The following ABL2 variants were observed in gnomAD, a reference collection of about 807,000 sequenced individuals.
ABL2 encodes the protein tyrosine-protein kinase ABL2.
Under a neutral mutation model 107.7 loss-of-function variants are expected in ABL2, and 49 were observed. The observed-to-expected ratio is 0.45, with a 90% confidence interval of 0.36 to 0.58. ABL2 has a LOEUF of 0.58. Among genes scored for constraint, ABL2 ranks in the 20% least tolerant of loss-of-function variants. The pLI is 0.00. For missense variants in ABL2, 1,245 were observed against 1,457.0 expected, an observed-to-expected ratio of 0.85 and a Z score of 2.37; for synonymous variants, 549 against 548.6, an observed-to-expected ratio of 1.00 and a Z score of -0.01.
chr1:179,136,570 T>C (rs932376209), intron 1 of ABL2, among the ~76,000 whole-genome samples: 3 of 148,036 alleles, frequency 2.0e-5, no homozygotes, highest in African/African-American at 7.4e-5. Flanking sequence ...ACACAAACAC[T>C]GCGGAAGGCC....
Position 179,107,595 on chromosome 1 carries a change from G to A in ABL2, c.*123C>T. 1 of 1,478,518 alleles carries A rather than the reference G, an allele frequency of 6.8e-7. No homozygotes were observed. Among genetic ancestry groups the A allele is most frequent in the Non-Finnish European group, 9.0e-7 (1 of 1,113,182 alleles). 91.6% of individuals were successfully genotyped at this position (1,478,518 alleles called of 1,614,324 possible). ...AAACGTGAGAACTCAGGGATCTGAG[G>A]TACTTCACATAAACACACTCAAGTA... On this transcript the variant is annotated 3_prime_UTR_variant, in exon 12 of 12. Coordinates refer to ENST00000502732, the MANE Select transcript of ABL2 (RefSeq NM_007314.4).
In ABL2 at chr1:179,114,936, T is replaced by A. The variant is rs780833324; in HGVS notation, c.1503A>T (p.Gly501=). ...ATCCCTCAGGCTGTTCCATTCGATATCCTTTTTCTAGTAGGTCATAGACCT... is the reference window on the plus strand; with the variant it reads ...ATCCCTCAGGCTGTTCCATTCGATAACCTTTTTCTAGTAGGTCATAGACCT... The part of the protein sequence containing the change: ...LSQVYDLLEK[G]YRMEQPEGCP... Residue 501 remains glycine (G), a synonymous_variant, in exon 9 of 12, where the codon GGA becomes GGT. Transcript: ENST00000502732. 18 of 1,612,664 alleles carry A rather than the reference T, an allele frequency of 1.1e-5. No homozygotes were observed. The Admixed American group carries it at 2.8e-4, about 25-fold the overall frequency.
intron 1 of ABL2, among the ~76,000 whole-genome samples, chr1:179,223,724 C>T (rs1663011341): frequency 6.6e-6 from 1 of 151,928 alleles, no homozygotes; most frequent in Non-Finnish European, 1.5e-5. Flanking sequence ...AAGTTTAGTT[C>T]TTATATTAAG....
intron 1 of ABL2, among the ~76,000 whole-genome samples, chr1:179,224,197 T>C (rs1454479990): frequency 5.1e-5 from 7 of 137,992 alleles, no homozygotes; most frequent in African/African-American, 1.9e-4. Context: ...ATAAATCAGA[T>C]CACTTAAAAT....
intron 1 of ABL2, among the ~76,000 whole-genome samples, chr1:179,149,971 C>T (rs1658265766): frequency 6.6e-6 from 1 of 152,182 alleles, no homozygotes; most frequent in South Asian, 2.1e-4. Context: ...GTGTCTCATG[C>T]CTGCAATCCC....
chr1:179,223,964 CAA>C (rs35954631), intron 1 of ABL2, among the ~76,000 whole-genome samples: 7 of 100,938 alleles, frequency 6.9e-5, no homozygotes, highest in Admixed American at 2.0e-4. Flanking sequence ...TCTGTCTCTA[CAA>C]AAAAAAAAAA....
chr1:179,110,351 C>G lies in ABL2; in HGVS notation c.1756G>C (p.Val586Leu), dbSNP rs756233104. Residue 586 changes from valine (V) to leucine (L), a missense_variant, in exon 11 of 12, where the codon GTG becomes CTG. By Grantham distance (32) the Val-to-Leu change is conservative. This residue lies in a region of ABL2 where 761 missense variants were observed against 766.4 expected (regional missense o/e 0.99). Coordinates refer to ENST00000502732, the MANE Select transcript of ABL2 (RefSeq NM_007314.4). Reference protein sequence around the residue: ...PSKTRTLKKQVENKENIEGAQ... With the variant: ...PSKTRTLKKQLENKENIEGAQ... ...CCTTCAATGTTCTCCTTGTTCTCCA[C>G]CTGTTTCTTCAGTGTCCGAGTCTTG... is the stretch of plus-strand genomic sequence containing the variant. 6.2e-7 allele frequency: 1 copy of G among 1,614,202 alleles called. No homozygotes were observed. Among genetic ancestry groups the G allele is most frequent in the Non-Finnish European group, 8.5e-7 (1 of 1,180,036 alleles).
At chr1:179,139,059 C>T (rs756099444) in intron 1 of ABL2, among the ~76,000 whole-genome samples, 32 of 152,206 alleles carry the variant, frequency 2.1e-4, no homozygotes, top group Non-Finnish European at 3.4e-4. Context: ...CTCAATTTCT[C>T]GCTGGGCCTT....
At chr1:179,181,946 A>ATTTT (rs34828452) in intron 1 of ABL2, among the ~76,000 whole-genome samples, 32 of 91,192 alleles carry the variant, frequency 3.5e-4, no homozygotes, top group Non-Finnish European at 4.9e-4. Context: ...AGGCCCGGCT[A>ATTTT]TTTTTTTTTT....
At chr1:179,222,112 T>C (rs937575747) in intron 1 of ABL2, 55 of 177,718 alleles carry the variant, frequency 3.1e-4, no homozygotes, top group African/African-American at 1.2e-3. Context: ...CTATGGAACA[T>C]CACATGCCAT....
intron 1 of ABL2, among the ~76,000 whole-genome samples, chr1:179,209,515 T>A (rs1323888981): frequency 1.2e-4 from 18 of 152,210 alleles, no homozygotes. Flanking sequence ...GCCATGAACC[T>A]AGCAATGGAT....
rs1340986771 is a variant in ABL2 at position 179,105,250 on chromosome 1, A to G, written c.*2468T>C. On this transcript the variant is annotated 3_prime_UTR_variant, in exon 12 of 12. Transcript: ENST00000502732. ...CAAGAAAACCAGGGAGCCTAAATAC[A>G]CTCAGTAGTGTTTCTCCAAGGCTTA... The G allele has an allele frequency of 8.7e-6, 2 of 231,104 alleles. No homozygotes were observed. Among genetic ancestry groups the G allele is most frequent in the Non-Finnish European group, 1.7e-5 (2 of 116,874 alleles). 14.3% of individuals were successfully genotyped at this position (231,104 alleles called of 1,614,324 possible).
intron 7 of ABL2, among the ~76,000 whole-genome samples, chr1:179,117,951 T>TAA (rs1220645982): frequency 1.4e-5 from 2 of 140,682 alleles, no homozygotes; most frequent in African/African-American, 5.3e-5. Flanking sequence ...AAACCCAGTC[T>TAA]ACAAAAAAAA....
chr1:179,228,960 C>T (rs908966035), intron 1 of ABL2, among the ~76,000 whole-genome samples: 4 of 152,274 alleles, frequency 2.6e-5, no homozygotes, highest in East Asian at 1.9e-4. Context: ...TTTCTGCAGC[C>T]GCATAGTCCC....
At position 179,108,920 on chromosome 1, in the gene ABL2, A is replaced by T; in HGVS notation, c.2347T>A (p.Ser783Thr). ...DTSKPFPRSN[S>T]TSSMSSGLPE... is the part of the protein sequence containing the mutation. ...AGCCCTGAGGACATGGAAGATGTAGAGTTTGACCTTGGAAAAGGCTTGGAA... is the reference window on the plus strand; with the variant it reads ...AGCCCTGAGGACATGGAAGATGTAGTGTTTGACCTTGGAAAAGGCTTGGAA... The change falls in exon 12 of 12, where the codon TCT (serine) becomes ACT (threonine). Residue 783 changes from serine (S) to threonine (T), a missense_variant. Around this residue, in one of 3 missense-constraint regions of ABL2, gnomAD observed 761 missense variants for 766.4 expected, o/e 0.99. Transcript: ENST00000502732. 6.2e-7 allele frequency: 1 copy of T among 1,614,070 alleles called. No individual in the cohort carries two copies. The highest frequency in any genetic ancestry group is 8.5e-7 in the Non-Finnish European group (1 of 1,180,030).
intron 1 of ABL2, among the ~76,000 whole-genome samples, chr1:179,178,420 A>AAAAAAAAAAAAAAC (rs1660175259): frequency 6.6e-6 from 1 of 150,642 alleles, no homozygotes. Flanking sequence ...AAAAAAAAAA[A>AAAAAAAAAAAAAAC]TTATTTGTGT....
chr1:179,187,393 T>A (rs1660733342), intron 1 of ABL2, among the ~76,000 whole-genome samples: 1 of 152,204 alleles, frequency 6.6e-6, no homozygotes, highest in South Asian at 2.1e-4. Flanking sequence ...TGATATACAT[T>A]GGAGAAACCA....
chr1:179,129,438 C>A (rs1421625112), intron 3 of ABL2, among the ~76,000 whole-genome samples: 1 of 152,168 alleles, frequency 6.6e-6, no homozygotes, highest in Non-Finnish European at 1.5e-5. Flanking sequence ...AACCCCAGCA[C>A]TTTGGGAGGC....
At chr1:179,132,414 A>G (rs1656425438) in intron 2 of ABL2, among the ~76,000 whole-genome samples, 1 of 152,134 alleles carries the variant, frequency 6.6e-6, no homozygotes, top group African/African-American at 2.4e-5. Flanking sequence ...TCCAGTATCA[A>G]TTTTCTTGAT....
Sources: allele counts gnomAD v4.1 joint callset (sites outside exome capture counted in the v4.1 genomes callset), GRCh38; gene constraint gnomAD v4.1.1; regional missense constraint gnomAD v4.1.1; transcripts MANE v1.5; gene names NCBI Gene and HGNC (gene_info 2026-07-23, HGNC 2026-07-21).